Variants in SLC16A2 observed in about 807,000 individuals in gnomAD.
SLC16A2 encodes the protein monocarboxylate transporter 8.
SLC16A2 carries 3 observed loss-of-function variants against 27.2 expected under a neutral mutation model. The ratio of observed to expected loss-of-function variants is 0.11; its 90% CI spans 0.05 to 0.28. The LOEUF is 0.28. Among genes scored for constraint, SLC16A2 ranks in the 10% least tolerant of loss-of-function variants. SLC16A2 has a pLI of 1.00. For synonymous variants in SLC16A2, 202 were observed against 187.8 expected (o/e 1.08, Z -0.62); for missense variants, 295 against 458.5 (o/e 0.64, Z 3.26).
intron 1 of SLC16A2, among the ~76,000 whole-genome samples, chrX:74,459,882 A>G (rs1204281660): frequency 1.8e-5 from 2 of 111,550 alleles, no homozygotes; most frequent in African/African-American, 6.5e-5. Flanking sequence ...TTGGTCAACA[A>G]CTAGCATGGG....
chrX:74,428,107 C>T (rs958872473), intron 1 of SLC16A2, among the ~76,000 whole-genome samples: 8 of 89,907 alleles, frequency 8.9e-5, no homozygotes, highest in African/African-American at 3.3e-4. Flanking sequence ...CTCCCTTCAT[C>T]CTCCTGTATC....
At chrX:74,497,161 C>T (rs1448184750) in intron 1 of SLC16A2, among the ~76,000 whole-genome samples, 1 of 111,715 alleles carries the variant, frequency 9.0e-6, no homozygotes, top group Non-Finnish European at 1.9e-5. Context: ...AACAAAAATG[C>T]CTGTCCTCAC....
At chrX:74,425,446 A>C (rs1928386416) in intron 1 of SLC16A2, among the ~76,000 whole-genome samples, 1 of 110,860 alleles carries the variant, frequency 9.0e-6, no homozygotes, top group South Asian at 3.8e-4. Flanking sequence ...AAAAAGGAAA[A>C]AGATCAGGAG....
intron 1 of SLC16A2, among the ~76,000 whole-genome samples, chrX:74,440,265 A>G (rs9785518): frequency 3.2e-3 from 360 of 111,888 alleles, no homozygotes; most frequent in African/African-American, 0.011. Context: ...AACCACAGGC[A>G]TAAACTAGAA....
intron 1 of SLC16A2, among the ~76,000 whole-genome samples, chrX:74,439,122 T>C (rs1021993992): frequency 1.8e-5 from 2 of 109,831 alleles, no homozygotes; most frequent in African/African-American, 3.3e-5. Context: ...ACTCTCTCTC[T>C]CCCTCTCATT....
intron 1 of SLC16A2, among the ~76,000 whole-genome samples, chrX:74,519,715 C>CAAAA (rs779967639): frequency 1.6e-4 from 4 of 24,983 alleles, no homozygotes; most frequent in African/African-American, 3.7e-4. Context: ...GACTGTGTCT[C>CAAAA]AAAAAAAAAA....
chrX:74,532,354 A>G lies in SLC16A2; in HGVS notation c.*801A>G, dbSNP rs1327514776. On this transcript the variant is annotated 3_prime_UTR_variant, in exon 6 of 6. Transcript: ENST00000587091. ...TTTCGCTCAAGCTATATAATCCTAG[A>G]CTGGAAGAGTAGAATATCATATAGG... 8.9e-6 allele frequency: 1 copy of G among 112,200 alleles called. No homozygotes were observed. The allele number at this position is 112,200 out of a possible 1,213,427, so 9.2% of individuals were successfully genotyped here. A position where few individuals can be genotyped will look rare whatever the true frequency, so the allele number is the denominator to read the frequency against.
chrX:74,479,853 T>C (rs1259123468), intron 1 of SLC16A2, among the ~76,000 whole-genome samples: 3 of 111,560 alleles, frequency 2.7e-5, no homozygotes, highest in African/African-American at 9.8e-5. Flanking sequence ...AAGTTTTGTC[T>C]CAGAAGAGTA....
chrX:74,489,387 T>C (rs2147858905), intron 1 of SLC16A2, among the ~76,000 whole-genome samples: 1 of 112,211 alleles, frequency 8.9e-6, no homozygotes, highest in African/African-American at 3.2e-5. Context: ...ATAACCCTTA[T>C]GACTAATCTT....
intron 1 of SLC16A2, among the ~76,000 whole-genome samples, chrX:74,435,541 A>ATATATGTG (rs779318155): frequency 1.4e-4 from 11 of 79,330 alleles, no homozygotes; most frequent in African/African-American, 6.2e-4. Context: ...ATATATGTAT[A>ATATATGTG]TATATATATA....
chrX:74,508,545 C>T (rs765441104), intron 1 of SLC16A2, among the ~76,000 whole-genome samples: 8 of 112,042 alleles, frequency 7.1e-5, no homozygotes, highest in Non-Finnish European at 1.3e-4. Flanking sequence ...TTTGTATATT[C>T]TGAGATCTTG....
intron 2 of SLC16A2, among the ~76,000 whole-genome samples, chrX:74,522,142 C>T (rs1448054459): frequency 8.9e-6 from 1 of 111,854 alleles, no homozygotes; most frequent in East Asian, 2.8e-4. Flanking sequence ...GCCGTGGTGA[C>T]ATGTCTGGGA....
At chrX:74,439,751 G>C (rs1455392232) in intron 1 of SLC16A2, among the ~76,000 whole-genome samples, 2 of 109,676 alleles carry the variant, frequency 1.8e-5, no homozygotes, top group South Asian at 8.1e-4. Context: ...AGGTCCTGGG[G>C]TCATTAGAGC....
intron 2 of SLC16A2, among the ~76,000 whole-genome samples, chrX:74,523,158 A>G (rs1306250206): frequency 2.7e-5 from 3 of 112,638 alleles, no homozygotes; most frequent in African/African-American, 6.5e-5. Context: ...CACAGGCCCA[A>G]AGGAACCTGA....
At chrX:74,528,193 C>T (rs1314891506) in intron 4 of SLC16A2, among the ~76,000 whole-genome samples, 1 of 111,604 alleles carries the variant, frequency 9.0e-6, no homozygotes, top group Non-Finnish European at 1.9e-5. Context: ...ATAGAGAGAT[C>T]AGATCTTAGC....
intron 1 of SLC16A2, among the ~76,000 whole-genome samples, chrX:74,475,443 T>C (rs1490201670): frequency 9.3e-6 from 1 of 107,768 alleles, no homozygotes. Flanking sequence ...CTGTTCACTC[T>C]GATGGTAGTT....
At chrX:74,453,255 G>C (rs1928976978) in intron 1 of SLC16A2, among the ~76,000 whole-genome samples, 2 of 110,538 alleles carry the variant, frequency 1.8e-5, no homozygotes, top group South Asian at 7.9e-4. Context: ...GGCTGGTCTC[G>C]AATTCCTGAC....
intron 1 of SLC16A2, among the ~76,000 whole-genome samples, chrX:74,436,794 T>C (rs1167023245): frequency 8.9e-6 from 1 of 111,993 alleles, no homozygotes; most frequent in Non-Finnish European, 1.9e-5. Flanking sequence ...TAGGGGTTTC[T>C]TATCAAGGTA....
In SLC16A2 at chrX:74,500,149, G is replaced by A. The variant is rs142944251; in HGVS notation, c.431-20841G>A. ...ACTGTCTTGGGACACAAGACAGTTT[G>A]TGCACATTCTCTATAAACTGGCTAA... On this transcript the variant is annotated intron_variant, in intron 1 of 5. Transcript: ENST00000587091. Among the ~76,000 whole-genome samples the A allele has an allele frequency of 8.6e-4, 91 of 105,700 alleles. 1 individual carries two copies. In the East Asian group the frequency reaches 0.022, roughly 25 times the overall value. 91.8% of individuals were successfully genotyped at this position (105,700 alleles called of 115,157 possible). A position where few individuals can be genotyped will look rare whatever the true frequency, so the allele number is the denominator to read the frequency against.
Sources: gnomAD v4.1 joint callset for allele counts (sites outside exome capture counted in the v4.1 genomes callset) on GRCh38, gnomAD v4.1.1 for gene constraint, MANE v1.5 for transcripts, NCBI Gene and HGNC (gene_info 2026-07-23, HGNC 2026-07-21) for gene names.